NUBP1: variants seen among roughly 807,000 people sequenced by gnomAD.
NUBP1 encodes the protein NUBP iron-sulfur cluster assembly factor 1, cytosolic, also known as cytosolic Fe-S cluster assembly factor NUBP1.
Under a neutral mutation model 41.8 loss-of-function variants are expected in NUBP1, and 46 were observed. The ratio of observed to expected loss-of-function variants is 1.10; its 90% CI spans 0.87 to 1.41. The LOEUF (loss-of-function observed/expected upper bound fraction) is 1.41. Ranked by LOEUF, NUBP1 falls within the 40% of genes most tolerant of loss-of-function variation. The pLI is 0.00. For synonymous variants in NUBP1, 189 were observed against 154.6 expected (o/e 1.22, Z -1.65); for missense variants, 494 against 414.0 (o/e 1.19, Z -1.68).
rs58201009 is a variant in NUBP1, at chr16:10,749,126, TACACACACACACACACACACACACACAC to T, written c.258+1867_258+1894del. 9.4e-3 allele frequency among the ~76,000 whole-genome samples: 1,137 copies of T among 121,088 alleles called. 8 individuals carry two copies. The highest frequency in any genetic ancestry group is 0.014 in the Admixed American group (180 of 12,772). The allele number at this position is 121,088 out of a possible 152,430, so 79.4% of individuals were successfully genotyped here. A position where few individuals can be genotyped will look rare whatever the true frequency, so the allele number is the denominator to read the frequency against. On this transcript the variant is annotated intron_variant, in intron 3 of 10. Coordinates refer to ENST00000283027, the MANE Select transcript of NUBP1 (RefSeq NM_002484.4). The surrounding 1 kb of genome is among the most constrained non-coding windows in gnomAD (Gnocchi z 4.1). ...GGATATAGATAGATACACAGACACA[TACACACACACACACACACACACACACAC>T]ACACACACACACACACGTTGATTCG...
In NUBP1 at chr16:10,769,093, C is replaced by T. The variant is rs2031319822; in HGVS notation, c.951C>T (p.Leu317=). Residue 317 remains leucine (L), a synonymous_variant, in exon 11 of 11, where the codon CTC becomes CTT. Transcript: ENST00000283027. ...TCCATCAGTCAAAAGAAGAGAACCT[C>T]ATCAGTTCCTGAAACGAGAGAATGT... is the stretch of plus-strand genomic sequence containing the variant. ...CNLHQSKEEN[L]ISS 6.2e-7 allele frequency: 1 copy of T among 1,614,032 alleles called. No individual in the cohort carries two copies. Among genetic ancestry groups the T allele is most frequent in the Non-Finnish European group, 8.5e-7 (1 of 1,179,976 alleles).
rs2142736414 is a variant in NUBP1 at position 10,759,734 on chromosome 16, C to T, written c.607-1630C>T. Among the ~76,000 whole-genome samples, 1 of 152,292 alleles carries T rather than the reference C, an allele frequency of 6.6e-6. No homozygotes were observed. The highest frequency in any genetic ancestry group is 6.5e-5 in the Admixed American group (1 of 15,290). On this transcript the variant is annotated intron_variant, in intron 7 of 10. Transcript: ENST00000283027. The surrounding 1 kb of genome is among the most constrained non-coding windows in gnomAD (Gnocchi z 4.7). ...GAGGTTGCAGTGAGCCGAGATCGCG[C>T]CACTGCACTCCAGCCTGGGCGACAG...
Position 10,765,344 on chromosome 16 carries a change from A to G in NUBP1, c.821-2605A>G, listed in dbSNP as rs2030714451. 6.6e-6 allele frequency among the ~76,000 whole-genome samples: 1 copy of G among 151,216 alleles called. No individual in the cohort carries two copies. Among genetic ancestry groups the G allele is most frequent in the South Asian group, 2.1e-4 (1 of 4,788 alleles). ...TCATCTCTTAAAAAAAAAAAAAAAA[A>G]AAAAAGGAAAAAATTCACCCAGTGT... On this transcript the variant is annotated intron_variant, in intron 9 of 10. Transcript: ENST00000283027. This position sits in a 1 kb window ranked among gnomAD's most constrained non-coding sequence, Gnocchi z 4.0.
At position 10,768,699 on chromosome 16, in the gene NUBP1, A is replaced by C. The variant is rs1330966788; in HGVS notation, c.905-348A>C. 4 of 228,446 alleles carry C rather than the reference A, an allele frequency of 1.8e-5. No individual in the cohort carries two copies. The highest frequency in any genetic ancestry group is 3.4e-5 in the Non-Finnish European group (4 of 119,194). The allele number at this position is 228,446 out of a possible 1,614,324, so 14.2% of individuals were successfully genotyped here. ...GCCAGTGGCAGCCATCAGAGGCCCC[A>C]GAGTTAGGGCAGAGGTGTCAGTGTT... On this transcript the variant is annotated intron_variant, in intron 10 of 10. Transcript: ENST00000283027. The surrounding 1 kb of genome is among the most constrained non-coding windows in gnomAD (Gnocchi z 4.3).
intron 4 of NUBP1, among the ~76,000 whole-genome samples, chr16:10,753,194 T>C (rs972539413): frequency 5.9e-5 from 9 of 152,090 alleles, no homozygotes; most frequent in Non-Finnish European, 8.8e-5. Context: ...GGGGCGGGAT[T>C]GTATATGAAG....
Position 10,747,135 on chromosome 16 carries a change from C to T in NUBP1, c.125-8C>T. The T allele has an allele frequency of 1.2e-6, 2 of 1,613,730 alleles. No individual in the cohort carries two copies. Among genetic ancestry groups the T allele is most frequent in the Non-Finnish European group, 1.7e-6 (2 of 1,179,746 alleles). On this transcript the variant is annotated splice_region_variant and splice_polypyrimidine_tract_variant and intron_variant, in intron 2 of 10. Transcript: ENST00000283027. ...ACCTCATCCCCTGAACTTTGGTTTTCTTTGCAGCTATAGAGGAAATCAAAG... is the reference window on the plus strand; with the variant it reads ...ACCTCATCCCCTGAACTTTGGTTTTTTTTGCAGCTATAGAGGAAATCAAAG...
chr16:10,761,258 G>T, intron 7 of NUBP1, 106 bp from the exon 8 acceptor site: 1 of 1,019,768 alleles, frequency 9.8e-7, no homozygotes, highest in Non-Finnish European at 1.5e-6. Flanking sequence ...AACCTCTAAG[G>T]CTTTATGATC....
At chr16:10,747,002 G>C in intron 2 of NUBP1, 141 bp from the exon 3 acceptor site, 2 of 894,842 alleles carry the variant, frequency 2.2e-6, no homozygotes, top group South Asian at 1.7e-5. Context: ...ACCATTGTCT[G>C]AGAGGTATTT....
Position 10,768,903 on chromosome 16 carries a change from C to T in NUBP1, c.905-144C>T. 1.5e-6 allele frequency: 1 copy of T among 687,642 alleles called. No homozygotes were observed. Among genetic ancestry groups the T allele is most frequent in the Non-Finnish European group, 2.6e-6 (1 of 391,456 alleles). The allele number at this position is 687,642 out of a possible 1,614,324, so 42.6% of individuals were successfully genotyped here. On this transcript the variant is annotated intron_variant, in intron 10 of 10. Transcript: ENST00000283027. This position sits in a 1 kb window ranked among gnomAD's most constrained non-coding sequence, Gnocchi z 4.3. ...GGTATTCCGGTCACTTTCAAAGACTCAGGGCATCACAGACACAGGTCTTTT... is the reference window on the plus strand; with the variant it reads ...GGTATTCCGGTCACTTTCAAAGACTTAGGGCATCACAGACACAGGTCTTTT...
In NUBP1 at chr16:10,769,169, C is replaced by A; in HGVS notation, c.*64C>A. The stretch of plus-strand genomic sequence containing the variant: ...GGCACTCACTGGGCAGCACATCCAG[C>A]CAGACCCGACCAGCTCCGGGATGGG... On this transcript the variant is annotated 3_prime_UTR_variant, in exon 11 of 11. Coordinates refer to ENST00000283027, the MANE Select transcript of NUBP1 (RefSeq NM_002484.4). 1 of 1,458,798 alleles carries A rather than the reference C, an allele frequency of 6.9e-7. No homozygotes were observed. The highest frequency in any genetic ancestry group is 9.6e-7 in the Non-Finnish European group (1 of 1,041,408). The allele number at this position is 1,458,798 out of a possible 1,614,324, so 90.4% of individuals were successfully genotyped here. A position where few individuals can be genotyped will look rare whatever the true frequency, so the allele number is the denominator to read the frequency against.
intron 8 of NUBP1, 105 bp downstream of exon 8, chr16:10,761,579 G>C: frequency 9.0e-7 from 1 of 1,106,588 alleles, no homozygotes; most frequent in Non-Finnish European, 1.3e-6. Flanking sequence ...CTGTCATTTT[G>C]GGAAGTGGAA....
Position 10,743,977 on chromosome 16 carries a change from C to T in NUBP1, c.36C>T (p.Asp12=), listed in dbSNP as rs765365474. The T allele has an allele frequency of 3.2e-6, 5 of 1,582,896 alleles. No homozygotes were observed. Among genetic ancestry groups the T allele is most frequent in the African/African-American group, 1.4e-5 (1 of 73,050 alleles). The part of the protein sequence containing the change: ...EEVPHDCPGA[D]SAQAGRGASC... ...TCTGCGCAGACTGTCCAGGGGCCGA[C>T]AGCGCCCAGGCGGGCAGAGGGGCTT... Residue 12 remains aspartate, a synonymous_variant, in exon 2 of 11, where the codon GAC becomes GAT. Transcript: ENST00000283027.
chr16:10,745,409 C>T (rs754748118), intron 2 of NUBP1, among the ~76,000 whole-genome samples: 77 of 151,918 alleles, frequency 5.1e-4, no homozygotes, highest in Middle Eastern at 3.4e-3. Flanking sequence ...GAGCTGAGAT[C>T]GTGCCACTGC....
chr16:10,765,035 G>C lies in NUBP1; in HGVS notation c.821-2914G>C, dbSNP rs2030659575. ...CTCCCAGAAGCGTGCCTGCCCGAGT[G>C]CCATGCTCGTCTCAGTCACTAGCTA... On this transcript the variant is annotated intron_variant, in intron 9 of 10. Coordinates refer to ENST00000283027, the MANE Select transcript of NUBP1 (RefSeq NM_002484.4). The surrounding 1 kb of genome is among the most constrained non-coding windows in gnomAD (Gnocchi z 4.0). 1 of 157,288 alleles carries C rather than the reference G, an allele frequency of 6.4e-6. No individual in the cohort carries two copies. The highest frequency in any genetic ancestry group is 1.4e-5 in the Non-Finnish European group (1 of 70,904). The allele number at this position is 157,288 out of a possible 1,614,324, so 9.7% of individuals were successfully genotyped here.
At chr16:10,744,188 T>G in intron 2 of NUBP1, 123 bp downstream of exon 2, 4 of 945,026 alleles carry the variant, frequency 4.2e-6, no homozygotes, top group South Asian at 1.7e-5. Flanking sequence ...GGTATTGTAT[T>G]CGGAGAGGGG....
intron 2 of NUBP1, among the ~76,000 whole-genome samples, chr16:10,746,638 G>A (rs1900075957): frequency 6.6e-6 from 1 of 152,184 alleles, no homozygotes; most frequent in African/African-American, 2.4e-5. Context: ...CTACTTGGGA[G>A]GCTAAGGCAG....
rs762161670 is a variant in NUBP1 at position 10,761,857 on chromosome 16, T to C, written c.818T>C (p.Ile273Thr). 10 of 1,612,590 alleles carry C rather than the reference T, an allele frequency of 6.2e-6. No homozygotes were observed. Among genetic ancestry groups the C allele is most frequent in the African/African-American group, 5.3e-5 (4 of 74,884 alleles). Residue 273 changes from isoleucine to threonine, a missense_variant and splice_region_variant, in exon 9 of 11, where the codon ATA becomes ACA. By Grantham distance (89) the Ile-to-Thr change is moderately conservative (BLOSUM62 -1). Transcript: ENST00000283027. ...LLGRVPLDPL[I>T]GKNCDKGQSF... The stretch of plus-strand genomic sequence containing the variant: ...GGCAGAGTGCCCCTGGATCCGCTCA[T>C]AGGTGGGTGACCCCAGTGTGGGGCG...
In NUBP1 at chr16:10,769,090, C is replaced by A; in HGVS notation, c.948C>A (p.Asn316Lys). 3 of 1,614,012 alleles carry A rather than the reference C, an allele frequency of 1.9e-6. No homozygotes were observed. Among genetic ancestry groups the A allele is most frequent in the Non-Finnish European group, 2.5e-6 (3 of 1,179,952 alleles). ...ATCTCCATCAGTCAAAAGAAGAGAA[C>A]CTCATCAGTTCCTGAAACGAGAGAA... ...FCNLHQSKEE[N>K]LISS The change falls in exon 11 of 11, where the codon AAC becomes AAA. Residue 316 changes from asparagine to lysine, a missense_variant. Coordinates refer to ENST00000283027, the MANE Select transcript of NUBP1 (RefSeq NM_002484.4).
intron 5 of NUBP1, 91 bp from the exon 6 acceptor site, chr16:10,756,599 C>A: frequency 1.1e-6 from 1 of 872,670 alleles, no homozygotes; most frequent in Non-Finnish European, 1.7e-6. Context: ...ATGTTTTTTT[C>A]AGTCAGAGCT....
Sources: gnomAD v4.1 joint callset for allele counts (sites outside exome capture counted in the v4.1 genomes callset) on GRCh38, gnomAD v4.1.1 for gene constraint, Gnocchi (gnomAD v3.1) non-coding constraint, MANE v1.5 for transcripts, NCBI Gene and HGNC (gene_info 2026-07-23, HGNC 2026-07-21) for gene names.